NEDD4: variants seen among roughly 807,000 people sequenced by gnomAD.
The protein encoded by NEDD4 is E3 ubiquitin-protein ligase NEDD4.
In NEDD4, 99 loss-of-function variants were observed where a neutral mutation model predicts 144.9. The ratio of observed to expected loss-of-function variants is 0.68; its 90% CI spans 0.58 to 0.81. The LOEUF is 0.81. Ranked by LOEUF, NEDD4 falls within the 30% of genes least tolerant of loss-of-function variation. The probability of loss-of-function intolerance (pLI) is 0.00; values close to 1 mark genes in which losing one functional copy is unlikely to be tolerated. For missense variants in NEDD4, 985 were observed against 1,065.9 expected (o/e 0.92, Z 1.06); for synonymous variants, 318 against 350.6 (o/e 0.91, Z 1.04).
At chr15:55,943,897 T>C (rs2037056116) in intron 4 of NEDD4, among the ~76,000 whole-genome samples, 2 of 152,216 alleles carry the variant, frequency 1.3e-5, no homozygotes, top group Admixed American at 1.3e-4. Flanking sequence ...GGATTGTACC[T>C]TGCAGAGACA....
At chr15:55,916,540 C>T in intron 5 of NEDD4, 1 of 1,614,084 alleles carries the variant, frequency 6.2e-7, no homozygotes, top group Non-Finnish European at 8.5e-7. Context: ...TGAAGATATC[C>T]ACTGTACCTT....
intron 5 of NEDD4, among the ~76,000 whole-genome samples, chr15:55,919,782 G>A (rs1375773206): frequency 6.6e-6 from 1 of 152,116 alleles, no homozygotes; most frequent in African/African-American, 2.4e-5. Flanking sequence ...TCATCTACAT[G>A]GAAAATAATG....
At chr15:55,979,415 G>A (rs1447362508) in intron 1 of NEDD4, among the ~76,000 whole-genome samples, 43 of 134,732 alleles carry the variant, frequency 3.2e-4, no homozygotes, top group Non-Finnish European at 5.8e-4. Context: ...CTGCAGTGGC[G>A]CAATCTCGGC....
rs528116978 is a variant in NEDD4, at chr15:55,867,784, C to T, written c.507+1795G>A. ...AAAAGGTTCTTTCCTGGCTGGGTGC[C>T]GTGGCTCACGCCTGTAGTCCCAGCA... is the stretch of plus-strand genomic sequence containing the variant. On this transcript the variant is annotated intron_variant, in intron 8 of 28. Coordinates refer to ENST00000435532, the MANE Select transcript of NEDD4 (RefSeq NM_006154.4). Among the ~76,000 whole-genome samples, 73 of 152,256 alleles carry T rather than the reference C, an allele frequency of 4.8e-4. 1 individual carries two copies. Among genetic ancestry groups the T allele is most frequent in the East Asian group, 3.5e-3 (18 of 5,160 alleles).
chr15:55,985,787 A>ACC lies in NEDD4; in HGVS notation c.45+7723_45+7724insGG, dbSNP rs1481843314. Among the ~76,000 whole-genome samples, 3 of 150,760 alleles carry ACC rather than the reference A, an allele frequency of 2.0e-5. No individual in the cohort carries two copies. In the East Asian group the frequency reaches 5.8e-4, roughly 29 times the overall value. On this transcript the variant is annotated intron_variant, in intron 1 of 28. Coordinates refer to ENST00000435532, the MANE Select transcript of NEDD4 (RefSeq NM_006154.4). Reference sequence around the variant, plus strand: ...CACACACACACACACACACACACACACGCTTAACTGTTCAGAGATGGTCCA... The same window carrying ACC: ...CACACACACACACACACACACACACACCCGCTTAACTGTTCAGAGATGGTCCA...
intron 1 of NEDD4, among the ~76,000 whole-genome samples, chr15:55,974,956 G>A (rs1270822893): frequency 2.2e-5 from 3 of 136,424 alleles, no homozygotes; most frequent in African/African-American, 5.5e-5. Flanking sequence ...GCAGTGGCAC[G>A]ATCTCAGCTC....
chr15:55,951,346 C>A (rs1214766579), intron 4 of NEDD4, 30 bp downstream of exon 4: 1 of 833,722 alleles, frequency 1.2e-6, no homozygotes, highest in Non-Finnish European at 1.8e-6. Flanking sequence ...CTTACTTTTT[C>A]CACTTTAGTA....
At chr15:55,908,880 AC>A (rs775673727) in intron 5 of NEDD4, among the ~76,000 whole-genome samples, 41 of 152,316 alleles carry the variant, frequency 2.7e-4, no homozygotes, top group African/African-American at 4.8e-4. Context: ...TCATAAAAAA[AC>A]AATTGAGATA....
intron 5 of NEDD4, chr15:55,915,961 C>G (rs140869235): frequency 6.2e-7 from 1 of 1,613,804 alleles, no homozygotes; most frequent in Non-Finnish European, 8.5e-7. Context: ...TGATAGGATC[C>G]TTTGCTCAGA....
At chr15:55,929,188 T>C (rs1415973429) in intron 4 of NEDD4, among the ~76,000 whole-genome samples, 1 of 152,150 alleles carries the variant, frequency 6.6e-6, no homozygotes, top group Non-Finnish European at 1.5e-5. Flanking sequence ...ACAGAATGTC[T>C]CAAATACCAC....
Position 55,962,960 on chromosome 15 carries a change from A to G in NEDD4, c.119+3513T>C, listed in dbSNP as rs538456300. 2.1e-3 allele frequency among the ~76,000 whole-genome samples: 311 copies of G among 146,284 alleles called. 2 individuals are homozygous for G. Among genetic ancestry groups the G allele is most frequent in the African/African-American group, 7.5e-3 (296 of 39,454 alleles). ...CGCCACCATACCCAGCTAATTTTGT[A>G]TATTAGTAGAGATGGGATTTCACCA... On this transcript the variant is annotated intron_variant, in intron 2 of 28. Transcript: ENST00000435532.
At chr15:55,914,647 C>T (rs1182499681) in intron 5 of NEDD4, among the ~76,000 whole-genome samples, 1 of 151,772 alleles carries the variant, frequency 6.6e-6, no homozygotes, top group Non-Finnish European at 1.5e-5. Context: ...AAACAAAATT[C>T]CTGTGGTTAA....
Position 55,979,207 on chromosome 15 carries a change from GAAT to G in NEDD4, c.46-12664_46-12662del, listed in dbSNP as rs1358663541. Among the ~76,000 whole-genome samples the G allele has an allele frequency of 4.6e-5, 7 of 150,822 alleles. No individual in the cohort carries two copies. In the East Asian group the frequency reaches 1.2e-3, roughly 25 times the overall value. On this transcript the variant is annotated intron_variant, in intron 1 of 28. Coordinates refer to ENST00000435532, the MANE Select transcript of NEDD4 (RefSeq NM_006154.4). ...TCAAAAAGTAATTATTATTATAACA[GAAT>G]AATTATATTAATTGAAAAAATAAGA... is the stretch of plus-strand genomic sequence containing the variant.
At chr15:55,844,745 G>A (rs1050616864) in intron 18 of NEDD4, among the ~76,000 whole-genome samples, 1 of 151,824 alleles carries the variant, frequency 6.6e-6, no homozygotes, top group African/African-American at 2.4e-5. Flanking sequence ...ACTACAAGAT[G>A]TTGAGGATAA....
chr15:55,878,869 C>T (rs893506481), intron 5 of NEDD4, among the ~76,000 whole-genome samples: 1 of 152,222 alleles, frequency 6.6e-6, no homozygotes, highest in South Asian at 2.1e-4. Flanking sequence ...GTCGCCCAGG[C>T]TGGGGTGCAA....
intron 4 of NEDD4, among the ~76,000 whole-genome samples, chr15:55,933,521 G>T (rs1292587279): frequency 8.0e-6 from 1 of 125,382 alleles, no homozygotes; most frequent in African/African-American, 3.0e-5. Context: ...ACACACTGGG[G>T]CCTGTCGTGG....
At chr15:55,925,378 C>G (rs1474606231) in intron 4 of NEDD4, among the ~76,000 whole-genome samples, 1 of 152,142 alleles carries the variant, frequency 6.6e-6, no homozygotes, top group Non-Finnish European at 1.5e-5. Flanking sequence ...CAGTTTAGAG[C>G]CACCCAAAGT....
intron 2 of NEDD4, among the ~76,000 whole-genome samples, chr15:55,964,692 GGTGTGTGTGTGTGTGTGTGT>G (rs58177503): frequency 2.2e-5 from 3 of 137,118 alleles, no homozygotes; most frequent in Non-Finnish European, 3.1e-5. Context: ...TTTTGCTGCT[GGTGTGTGTGTGTGTGTGTGT>G]GTGTGTGTGT....
chr15:55,902,089 G>A (rs993548410), intron 5 of NEDD4, among the ~76,000 whole-genome samples: 5 of 152,146 alleles, frequency 3.3e-5, no homozygotes, highest in Non-Finnish European at 7.4e-5. Flanking sequence ...GATGTGGTTA[G>A]ATGATAAATT....
Sources: gnomAD v4.1 joint callset for allele counts (sites outside exome capture counted in the v4.1 genomes callset) on GRCh38, gnomAD v4.1.1 for gene constraint, MANE v1.5 for transcripts, NCBI Gene and HGNC (gene_info 2026-07-23, HGNC 2026-07-21) for gene names.